The following TPTE2 variants were observed in gnomAD, a reference collection of about 807,000 sequenced individuals.
The protein encoded by TPTE2 is phosphatidylinositol 3,4,5-trisphosphate 3-phosphatase TPTE2.
Under a neutral mutation model 78.6 loss-of-function variants are expected in TPTE2, and 53 were observed. The ratio of observed to expected loss-of-function variants is 0.67; its 90% CI spans 0.54 to 0.85. The LOEUF is 0.85. Among genes scored for constraint, TPTE2 ranks in the 40% least tolerant of loss-of-function variants. The pLI, the probability that TPTE2 is intolerant of heterozygous loss-of-function variation, is 0.00. For synonymous variants in TPTE2, 175 were observed against 206.2 expected (o/e 0.85, Z 1.30); for missense variants, 461 against 623.0 (o/e 0.74, Z 2.77).
chr13:19,460,447 G>A (rs1322433122), intron 10 of TPTE2, among the ~76,000 whole-genome samples: 1 of 152,134 alleles, frequency 6.6e-6, no homozygotes, highest in Non-Finnish European at 1.5e-5. Flanking sequence ...GAATTCCCTC[G>A]CCCCTTTTCA....
At chr13:19,524,563 A>G (rs1870382090) in intron 1 of TPTE2, among the ~76,000 whole-genome samples, 1 of 152,218 alleles carries the variant, frequency 6.6e-6, no homozygotes, top group Non-Finnish European at 1.5e-5. Context: ...GTCAACAGAA[A>G]CCATAAAGAG....
chr13:19,493,550 T>C (rs747341437), intron 1 of TPTE2, 49 bp from the exon 5 acceptor site: 2 of 1,588,796 alleles, frequency 1.3e-6, no homozygotes, highest in South Asian at 2.2e-5. Context: ...TAATTCTGAA[T>C]TTATATTTTG....
intron 4 of TPTE2, among the ~76,000 whole-genome samples, chr13:19,476,107 C>G (rs1374372958): frequency 1.3e-5 from 2 of 152,054 alleles, no homozygotes; most frequent in Non-Finnish European, 2.9e-5. Context: ...ACCTAGTGAA[C>G]AGATACACAT....
intron 11 of TPTE2, 79 bp downstream of exon 14, chr13:19,451,086 C>T: frequency 6.5e-7 from 1 of 1,548,322 alleles, no homozygotes; most frequent in Non-Finnish European, 8.8e-7. Flanking sequence ...TAAATGCAAT[C>T]TAAAAAGCAA....
chr13:19,498,537 C>T (rs1185774393), intron 1 of TPTE2, among the ~76,000 whole-genome samples: 1 of 151,778 alleles, frequency 6.6e-6, no homozygotes, highest in Non-Finnish European at 1.5e-5. Context: ...AATTTCATAT[C>T]CAGCCAAACT....
At chr13:19,543,358 GTT>G in the TPTE2 span, among the ~76,000 whole-genome samples, 30 of 139,810 alleles carry the variant, frequency 2.1e-4, no homozygotes, top group South Asian at 4.6e-4. Flanking sequence ...CAGCCTCTCT[GTT>G]TTTTTTTTTT....
the TPTE2 span, among the ~76,000 whole-genome samples, chr13:19,548,680 C>T: frequency 6.6e-6 from 1 of 151,270 alleles, no homozygotes; most frequent in South Asian, 2.1e-4. Flanking sequence ...TGAAATTGGA[C>T]CCCCACCTTT....
At chr13:19,511,496 A>G (rs1244552624) in intron 1 of TPTE2, among the ~76,000 whole-genome samples, 1 of 152,186 alleles carries the variant, frequency 6.6e-6, no homozygotes, top group African/African-American at 2.4e-5. Flanking sequence ...ACTCTCATCT[A>G]GGTATTAAAA....
intron 10 of TPTE2, among the ~76,000 whole-genome samples, chr13:19,453,602 C>T (rs1878345657): frequency 6.8e-6 from 1 of 146,834 alleles, no homozygotes; most frequent in African/African-American, 2.6e-5. Flanking sequence ...GCTGTGTTTT[C>T]TGATCTAAGT....
At chr13:19,446,813 C>T (rs1486094940) in intron 13 of TPTE2, among the ~76,000 whole-genome samples, 4 of 152,072 alleles carry the variant, frequency 2.6e-5, no homozygotes, top group African/African-American at 7.2e-5. Context: ...TGGTGATGCT[C>T]ACCTGTAGTC....
intron 2 of TPTE2, among the ~76,000 whole-genome samples, chr13:19,493,161 C>T (rs574508670): frequency 2.1e-4 from 26 of 123,266 alleles, no homozygotes; most frequent in African/African-American, 7.1e-4. Context: ...TACAATGAGA[C>T]GAATTGGAAA....
At chr13:19,559,139 T>C in the TPTE2 span, among the ~76,000 whole-genome samples, 3 of 152,228 alleles carry the variant, frequency 2.0e-5, no homozygotes, top group Non-Finnish European at 4.4e-5. Flanking sequence ...TCTGAAAATA[T>C]AAAAATTTTA....
chr13:19,556,695 T>A, the TPTE2 span, among the ~76,000 whole-genome samples: 1 of 152,112 alleles, frequency 6.6e-6, no homozygotes, highest in Non-Finnish European at 1.5e-5. Flanking sequence ...CTGGATAATT[T>A]TTTTCTATTT....
At chr13:19,499,517 A>C (rs982510337) in intron 1 of TPTE2, among the ~76,000 whole-genome samples, 1 of 139,146 alleles carries the variant, frequency 7.2e-6, no homozygotes, top group Non-Finnish European at 1.5e-5. Flanking sequence ...ACTCAACTAC[A>C]TGGAAACTGA....
At chr13:19,510,332 C>T (rs535970616) in intron 1 of TPTE2, among the ~76,000 whole-genome samples, 2 of 152,258 alleles carry the variant, frequency 1.3e-5, no homozygotes, top group East Asian at 1.9e-4. Flanking sequence ...CTGATGCCAA[C>T]ATCTGCTTCT....
At chr13:19,451,849 ATG>A (rs1555249616) in intron 10 of TPTE2, among the ~76,000 whole-genome samples, 1 of 149,564 alleles carries the variant, frequency 6.7e-6, no homozygotes, top group Non-Finnish European at 1.5e-5. Flanking sequence ...GTGTGTATAT[ATG>A]TATAACCTTT....
intron 10 of TPTE2, among the ~76,000 whole-genome samples, chr13:19,463,187 C>T (rs1343899120): frequency 6.6e-6 from 1 of 150,564 alleles, no homozygotes; most frequent in Non-Finnish European, 1.5e-5. Flanking sequence ...TTGCCATGTT[C>T]ATCAGGCTTG....
At chr13:19,540,104 A>T (rs1871397711), upstream of TPTE2, among the ~76,000 whole-genome samples, 1 of 152,158 alleles carries the variant, frequency 6.6e-6, no homozygotes, top group South Asian at 2.1e-4. Flanking sequence ...AGCTTGTGCC[A>T]TTGCACTACA....
chr13:19,468,412 A>AT (rs1879421533), intron 6 of TPTE2, among the ~76,000 whole-genome samples: 1 of 152,120 alleles, frequency 6.6e-6, no homozygotes, highest in Non-Finnish European at 1.5e-5. Context: ...TTATCCATTC[A>AT]TCTGTTGATG....
Sources: allele counts gnomAD v4.1 joint callset (sites outside exome capture counted in the v4.1 genomes callset), GRCh38; gene constraint gnomAD v4.1.1; transcripts MANE v1.5; gene names NCBI Gene and HGNC (gene_info 2026-07-23, HGNC 2026-07-21).